The following LARS2 variants were observed in gnomAD, a reference collection of about 807,000 sequenced individuals.
LARS2 encodes leucyl-tRNA synthetase 2, mitochondrial, also known as leucine--tRNA ligase, mitochondrial.
In LARS2, 81 loss-of-function variants were observed where a neutral mutation model predicts 116.6. That is an observed-to-expected ratio of 0.69 (90% CI 0.58 to 0.84). The LOEUF (loss-of-function observed/expected upper bound fraction) is 0.84. Ranked by LOEUF, LARS2 falls within the 40% of genes least tolerant of loss-of-function variation. The probability of loss-of-function intolerance (pLI) is 0.00; values close to 1 mark genes in which losing one functional copy is unlikely to be tolerated. For missense variants in LARS2, 968 were observed against 1,114.5 expected, an observed-to-expected ratio of 0.87 and a Z score of 1.87; for synonymous variants, 396 against 407.2, an observed-to-expected ratio of 0.97 and a Z score of 0.33.
In LARS2 at chr3:45,547,335, C is replaced by G; in HGVS notation, c.2533-16C>G. 1 of 1,591,198 alleles carries G rather than the reference C, an allele frequency of 6.3e-7. No individual in the cohort carries two copies. ...GGATGTTCCTCATTGTTTATCTTGG[C>G]TTTTCTCCTTCTCAGATCAACAATA... On this transcript the variant is annotated splice_polypyrimidine_tract_variant and intron_variant, in intron 21 of 21. Transcript: ENST00000645846.
At chr3:45,398,926 T>C (rs1174809562) in intron 3 of LARS2, among the ~76,000 whole-genome samples, 1 of 152,172 alleles carries the variant, frequency 6.6e-6, no homozygotes, top group Non-Finnish European at 1.5e-5. Context: ...TTGTTTGCCT[T>C]ATCCATTCAT....
At chr3:45,513,392 C>T (rs1239523274) in intron 16 of LARS2, among the ~76,000 whole-genome samples, 157 bp downstream of exon 16, 1 of 152,058 alleles carries the variant, frequency 6.6e-6, no homozygotes, top group Non-Finnish European at 1.5e-5. Flanking sequence ...TCCCTCTGGG[C>T]CTGCGCCCCC....
intron 15 of LARS2, among the ~76,000 whole-genome samples, chr3:45,512,753 C>G (rs1010442187): frequency 6.6e-6 from 1 of 152,154 alleles, no homozygotes; most frequent in Non-Finnish European, 1.5e-5. Flanking sequence ...ATATACCAAA[C>G]TATTAATAAG....
At chr3:45,424,990 A>G (rs983600751) in intron 6 of LARS2, among the ~76,000 whole-genome samples, 4 of 152,082 alleles carry the variant, frequency 2.6e-5, no homozygotes, top group Admixed American at 6.5e-5. Context: ...GTGGTCTTGT[A>G]TGGTTTCTAG....
chr3:45,399,992 GA>G (rs890220549), intron 3 of LARS2, among the ~76,000 whole-genome samples: 39 of 148,092 alleles, frequency 2.6e-4, no homozygotes, highest in East Asian at 1.6e-3. Context: ...TTTTAAAAGA[GA>G]AAAAAAAAAG....
At chr3:45,464,354 G>A (rs1699388359) in intron 8 of LARS2, among the ~76,000 whole-genome samples, 1 of 151,752 alleles carries the variant, frequency 6.6e-6, no homozygotes, top group Admixed American at 6.6e-5. Flanking sequence ...CTGGAATGAA[G>A]ACCGTTAGGG....
At chr3:45,450,055 T>C (rs1211018093) in intron 7 of LARS2, among the ~76,000 whole-genome samples, 2 of 152,234 alleles carry the variant, frequency 1.3e-5, no homozygotes, top group African/African-American at 4.8e-5. Context: ...CTTAAAACTC[T>C]TTTTTAAAAA....
intron 13 of LARS2, among the ~76,000 whole-genome samples, chr3:45,493,406 G>A (rs1039550656): frequency 5.9e-5 from 9 of 152,150 alleles, no homozygotes; most frequent in Non-Finnish European, 1.2e-4. Context: ...GCCCCTGGAT[G>A]ATCTTAATGA....
chr3:45,458,683 T>C (rs1184173972), intron 7 of LARS2, 60 bp from the exon 8 acceptor site: 3 of 1,561,234 alleles, frequency 1.9e-6, no homozygotes, highest in South Asian at 1.1e-5. Context: ...CGACACTCCC[T>C]GTCAAAAAAA....
intron 15 of LARS2, among the ~76,000 whole-genome samples, chr3:45,506,230 C>T (rs1345049182): frequency 6.6e-6 from 1 of 152,092 alleles, no homozygotes; most frequent in Admixed American, 6.6e-5. Flanking sequence ...AACTGTTACT[C>T]AGTGCTGCTG....
intron 20 of LARS2, among the ~76,000 whole-genome samples, chr3:45,536,023 CTTGAGTG>C (rs1297384214): frequency 1.3e-5 from 2 of 151,978 alleles, no homozygotes; most frequent in Non-Finnish European, 2.9e-5. Context: ...ACTCATAAGT[CTTGAGTG>C]TTGAGATTCT....
chr3:45,513,376 C>G (rs1700318209), intron 16 of LARS2, 141 bp downstream of exon 16: 1 of 642,362 alleles, frequency 1.6e-6, no homozygotes, highest in Admixed American at 2.6e-5. Context: ...GTCTCTAAGC[C>G]TCAGCTCCCT....
At chr3:45,446,709 A>G (rs1304323836) in intron 6 of LARS2, among the ~76,000 whole-genome samples, 182 bp from the exon 7 acceptor site, 1 of 152,218 alleles carries the variant, frequency 6.6e-6, no homozygotes, top group Non-Finnish European at 1.5e-5. Flanking sequence ...TGGCATTTCA[A>G]TAACATCTCT....
At chr3:45,393,085 TG>T (rs1697983024) in intron 2 of LARS2, among the ~76,000 whole-genome samples, 1 of 152,228 alleles carries the variant, frequency 6.6e-6, no homozygotes, top group African/African-American at 2.4e-5. Flanking sequence ...AGTATTTACC[TG>T]TGGAAGAAGC....
chr3:45,432,796 G>C (rs1192778291), intron 6 of LARS2, among the ~76,000 whole-genome samples: 1 of 151,920 alleles, frequency 6.6e-6, no homozygotes, highest in Non-Finnish European at 1.5e-5. Context: ...AAGCAAAATA[G>C]ACAACAGAGA....
At position 45,467,154 on chromosome 3, in the gene LARS2, A is replaced by G. The variant is rs9840187; in HGVS notation, c.751-7089A>G. ...TTGTCCTCTCTGTCTTGCTTTTGTC[A>G]TTATTTACTCCAGTGCTCTGTCCTT... On this transcript the variant is annotated intron_variant, in intron 8 of 21. Transcript: ENST00000645846. 2.9e-3 allele frequency among the ~76,000 whole-genome samples: 439 copies of G among 152,180 alleles called. 7 individuals carry two copies. The highest frequency in any genetic ancestry group is 1.0e-2 in the African/African-American group (414 of 41,512).
chr3:45,415,893 G>GGGAGA (rs1559461402), intron 4 of LARS2, among the ~76,000 whole-genome samples: 2 of 69,826 alleles, frequency 2.9e-5, no homozygotes, highest in African/African-American at 9.5e-5. Context: ...AGAGAGAGAG[G>GGGAGA]GAGAGAGAGA....
intron 15 of LARS2, among the ~76,000 whole-genome samples, chr3:45,507,195 G>C (rs925946900): frequency 3.3e-5 from 5 of 151,584 alleles, no homozygotes; most frequent in Non-Finnish European, 4.4e-5. Context: ...GCAGGGGTTC[G>C]AGACCAGCCT....
intron 18 of LARS2, among the ~76,000 whole-genome samples, chr3:45,518,733 A>T (rs77203986): frequency 2.0e-5 from 3 of 146,900 alleles, no homozygotes; most frequent in African/African-American, 4.9e-5. Flanking sequence ...AAGCTGATTT[A>T]AAAAAAAAAA....
Sources: gnomAD v4.1 joint callset for allele counts (sites outside exome capture counted in the v4.1 genomes callset) on GRCh38, gnomAD v4.1.1 for gene constraint, MANE v1.5 for transcripts, NCBI Gene and HGNC (gene_info 2026-07-23, HGNC 2026-07-21) for gene names.